Variants in PCDH7 observed in about 807,000 individuals in gnomAD.
PCDH7 encodes the protein protocadherin 7.
Under a neutral mutation model 58.9 loss-of-function variants are expected in PCDH7, and 17 were observed. That is an observed-to-expected ratio of 0.29 (90% confidence interval 0.20 to 0.43). The LOEUF is 0.43. Among genes scored for constraint, PCDH7 ranks in the 20% least tolerant of loss-of-function variants. The probability of loss-of-function intolerance (pLI) is 1.00; values close to 1 mark genes in which losing one functional copy is unlikely to be tolerated. For missense variants in PCDH7, 1,274 were observed against 1,441.0 expected, an observed-to-expected ratio of 0.88 and a Z score of 1.88; for synonymous variants, 664 against 616.4, an observed-to-expected ratio of 1.08 and a Z score of -1.14.
At chr4:30,746,262 G>A (rs1190253113) in intron 1 of PCDH7, among the ~76,000 whole-genome samples, 1 of 152,156 alleles carries the variant, frequency 6.6e-6, no homozygotes, top group African/African-American at 2.4e-5. Context: ...AGAAGCCACA[G>A]GCAGAAAGAC....
At chr4:30,829,626 C>A (rs984795232) in intron 1 of PCDH7, among the ~76,000 whole-genome samples, 2 of 152,032 alleles carry the variant, frequency 1.3e-5, no homozygotes, top group African/African-American at 4.8e-5. Context: ...TAATTGATAT[C>A]CACTATCAGG....
At chr4:30,871,813 T>C (rs956375027) in intron 1 of PCDH7, among the ~76,000 whole-genome samples, 2 of 152,068 alleles carry the variant, frequency 1.3e-5, no homozygotes, top group African/African-American at 4.8e-5. Context: ...GAGACTCTGG[T>C]AGCAACCTTC....
intron 3 of PCDH7, among the ~76,000 whole-genome samples, chr4:31,078,927 A>T (rs1252782415): frequency 6.6e-6 from 1 of 151,964 alleles, no homozygotes; most frequent in Admixed American, 6.6e-5. Context: ...ATATATGTGG[A>T]TAATTAATTT....
At chr4:31,099,185 C>T (rs1173933339) in intron 3 of PCDH7, among the ~76,000 whole-genome samples, 1 of 152,170 alleles carries the variant, frequency 6.6e-6, no homozygotes, top group African/African-American at 2.4e-5. Flanking sequence ...CTGGTGCACA[C>T]AGCTAAAAGG....
In PCDH7 at chr4:30,982,807, C is replaced by T. The variant is rs564986076; in HGVS notation, c.*7+32592C>T. Among the ~76,000 whole-genome samples the T allele has an allele frequency of 3.3e-5, 5 of 152,120 alleles. No individual in the cohort carries two copies. The South Asian group carries it at 8.3e-4, about 25-fold the overall frequency. ...TCTACTGTCCCTCACATATCCAGAA[C>T]GGGAAGAACACTTGAATCTACTTCT... On this transcript the variant is annotated intron_variant, in intron 3 of 3. Coordinates refer to the PCDH7 transcript ENST00000509759.
chr4:30,944,243 T>C (rs569328442), intron 2 of PCDH7, among the ~76,000 whole-genome samples: 24 of 152,236 alleles, frequency 1.6e-4, no homozygotes, highest in East Asian at 5.8e-4. Flanking sequence ...TCTAGTAAGA[T>C]AATCATTCAA....
At chr4:30,888,605 A>G (rs1738172975) in intron 1 of PCDH7, among the ~76,000 whole-genome samples, 1 of 152,178 alleles carries the variant, frequency 6.6e-6, no homozygotes, top group African/African-American at 2.4e-5. Flanking sequence ...TTAAGGGATT[A>G]TTGTTAATAT....
At chr4:30,940,933 A>G (rs1745959613) in intron 2 of PCDH7, among the ~76,000 whole-genome samples, 1 of 151,962 alleles carries the variant, frequency 6.6e-6, no homozygotes, top group Non-Finnish European at 1.5e-5. Flanking sequence ...ATATATACAT[A>G]CATAATGAAA....
chr4:30,763,017 C>T (rs910979566), intron 1 of PCDH7, among the ~76,000 whole-genome samples: 1 of 152,064 alleles, frequency 6.6e-6, no homozygotes, highest in Non-Finnish European at 1.5e-5. Context: ...CCTAGGCGGG[C>T]GGATCACCTG....
chr4:31,088,700 GTGTA>G (rs1712807817), intron 3 of PCDH7, among the ~76,000 whole-genome samples: 2 of 151,958 alleles, frequency 1.3e-5, no homozygotes, highest in Admixed American at 1.3e-4. Flanking sequence ...TTTTAAAAGA[GTGTA>G]TTTGTTTTTT....
chr4:30,807,824 A>G (rs1334148767), intron 1 of PCDH7, among the ~76,000 whole-genome samples: 1 of 152,142 alleles, frequency 6.6e-6, no homozygotes, highest in East Asian at 1.9e-4. Flanking sequence ...GGGCCCAGAG[A>G]GAGGCTTTGA....
downstream of PCDH7, chr4:31,145,155 C>T (rs368569825): frequency 2.0e-5 from 3 of 151,702 alleles, no homozygotes; most frequent in Admixed American, 6.6e-5. Flanking sequence ...AAAACTAATA[C>T]GGGTCACACC....
intron 3 of PCDH7, among the ~76,000 whole-genome samples, chr4:31,054,865 C>T (rs1238362123): frequency 1.3e-5 from 2 of 152,134 alleles, no homozygotes; most frequent in Non-Finnish European, 1.5e-5. Flanking sequence ...CTTCACATAG[C>T]ATCTTTTATT....
At chr4:31,114,339 T>C (rs760060471) in intron 3 of PCDH7, among the ~76,000 whole-genome samples, 6 of 152,078 alleles carry the variant, frequency 3.9e-5, no homozygotes, top group Non-Finnish European at 7.4e-5. Flanking sequence ...ATTTAAAATA[T>C]CCAGAATCCA....
intron 1 of PCDH7, among the ~76,000 whole-genome samples, chr4:30,904,277 C>T (rs1030918136): frequency 1.3e-5 from 2 of 152,128 alleles, no homozygotes; most frequent in Non-Finnish European, 2.9e-5. Flanking sequence ...AGACTAAAAT[C>T]AAGGGGGCTG....
At chr4:31,138,653 C>T (rs1321786450) in intron 3 of PCDH7, among the ~76,000 whole-genome samples, 1 of 152,138 alleles carries the variant, frequency 6.6e-6, no homozygotes, top group East Asian at 1.9e-4. Context: ...GTGGGAAGTA[C>T]TTCATGTGTT....
rs148823671 is a variant in PCDH7 at position 31,051,233 on chromosome 4, T to C, written c.*8-91240T>C. On this transcript the variant is annotated intron_variant, in intron 3 of 3. Transcript: ENST00000509759. ...TCTGTTAGCATGTCTCACTCCATTA[T>C]AATGATGTGTTTACATGACTGTTTC... 6.4e-4 allele frequency among the ~76,000 whole-genome samples: 97 copies of C among 152,282 alleles called. No individual in the cohort carries two copies. In the East Asian group the frequency reaches 0.014, roughly 22 times the overall value.
intron 1 of PCDH7, among the ~76,000 whole-genome samples, chr4:30,771,217 C>G (rs796305348): frequency 9.9e-5 from 15 of 152,202 alleles, no homozygotes; most frequent in African/African-American, 3.6e-4. Flanking sequence ...TAATTTTGCC[C>G]TAGCTACATA....
downstream of PCDH7, chr4:31,143,781 G>A (rs1720498920): frequency 6.6e-6 from 1 of 152,178 alleles, no homozygotes; most frequent in South Asian, 2.1e-4. Flanking sequence ...CTGAACCCAT[G>A]TATGCACAGA....
Sources: gnomAD v4.1 joint callset for allele counts (sites outside exome capture counted in the v4.1 genomes callset) on GRCh38, gnomAD v4.1.1 for gene constraint, MANE v1.5 for transcripts, NCBI Gene and HGNC (gene_info 2026-07-23, HGNC 2026-07-21) for gene names.